Variants in COL9A1 observed in about 807,000 individuals in gnomAD.
COL9A1 encodes the protein collagen type IX alpha 1 chain, also known as collagen alpha-1(IX) chain.
COL9A1 carries 104 observed loss-of-function variants against 142.6 expected under a neutral mutation model. The ratio of observed to expected loss-of-function variants is 0.73; its 90% confidence interval spans 0.62 to 0.86. The LOEUF (loss-of-function observed/expected upper bound fraction) is 0.86. Ranked by LOEUF, COL9A1 falls within the 40% of genes least tolerant of loss-of-function variation. The pLI is 0.00. For synonymous variants in COL9A1, 466 were observed against 396.0 expected (o/e 1.18, Z -2.10); for missense variants, 1,210 against 1,176.6 (o/e 1.03, Z -0.42).
intron 32 of COL9A1, among the ~76,000 whole-genome samples, chr6:70,239,656 G>A (rs1770122994): frequency 6.6e-6 from 1 of 152,170 alleles, no homozygotes. Flanking sequence ...TAGACCTGAT[G>A]ACTTCATTTT....
intron 37 of COL9A1, among the ~76,000 whole-genome samples, chr6:70,219,429 G>A (rs565884793): frequency 9.2e-5 from 14 of 152,318 alleles, no homozygotes; most frequent in Non-Finnish European, 1.5e-4. Flanking sequence ...CTGCTTTGGC[G>A]TACCAGGGCA....
chr6:70,258,312 G>C (rs183114228), intron 20 of COL9A1, among the ~76,000 whole-genome samples: 27 of 152,304 alleles, frequency 1.8e-4, no homozygotes, highest in Admixed American at 6.5e-5. Context: ...ACAATCAAGA[G>C]TACTGGATAG....
intron 10 of COL9A1, chr6:70,279,670 A>AAAAAAAAAAAAAAAC (rs1554245283): frequency 1.7e-5 from 3 of 172,270 alleles, no homozygotes; most frequent in African/African-American, 7.8e-5. Flanking sequence ...AAAAAAAAAA[A>AAAAAAAAAAAAAAAC]CACATACACA....
Position 70,294,407 on chromosome 6 carries a change from A to G in COL9A1, c.456T>C (p.Ser152=), listed in dbSNP as rs757899425. ...CCAGTCCCTTGTATGAAAATACAAC[A>G]GATTGTGTTTGGCCATTAATCTTTA... is the stretch of plus-strand genomic sequence containing the variant. ...VGIKINGQTQ[S]VVFSYKGLDG... Residue 152 remains serine (S), a synonymous_variant, in exon 5 of 38, where the codon TCT becomes TCC. Transcript: ENST00000357250. 2.5e-6 allele frequency: 4 copies of G among 1,614,130 alleles called. No individual in the cohort carries two copies. The highest frequency in any genetic ancestry group is 3.4e-6 in the Non-Finnish European group (4 of 1,179,988).
chr6:70,241,858 T>A, intron 30 of COL9A1, 106 bp downstream of exon 30: 1 of 989,268 alleles, frequency 1.0e-6, no homozygotes, highest in East Asian at 2.6e-5. Flanking sequence ...CTGTTTATGA[T>A]AAATTCTAGA....
At chr6:70,231,856 C>T (rs1769569654) in intron 36 of COL9A1, among the ~76,000 whole-genome samples, 1 of 152,114 alleles carries the variant, frequency 6.6e-6, no homozygotes, top group African/African-American at 2.4e-5. Flanking sequence ...GGCACATACA[C>T]CCCAAGCTGA....
intron 21 of COL9A1, among the ~76,000 whole-genome samples, chr6:70,256,562 GA>G (rs1055912080): frequency 4.6e-5 from 7 of 151,818 alleles, no homozygotes; most frequent in African/African-American, 1.2e-4. Context: ...AATCTATGAA[GA>G]AAAAAATCAT....
At chr6:70,252,061 A>G in intron 28 of COL9A1, 59 bp downstream of exon 28, 2 of 1,536,068 alleles carry the variant, frequency 1.3e-6, no homozygotes, top group Non-Finnish European at 1.8e-6. Context: ...AATGAATGGA[A>G]GAACATCCAG....
At position 70,271,714 on chromosome 6, in the gene COL9A1, G is replaced by A. The variant is rs369198071; in HGVS notation, c.1090-6C>T. On this transcript the variant is annotated splice_region_variant and splice_polypyrimidine_tract_variant and intron_variant, in intron 13 of 37. Coordinates refer to ENST00000357250, the MANE Select transcript of COL9A1 (RefSeq NM_001851.6). ...CCTGCTGTCCCAGGAGGACCCTGAA[G>A]TCAACAAATCAAAGCAAATGGTCAT... 5.7e-5 allele frequency: 92 copies of A among 1,613,540 alleles called. No homozygotes were observed. In the African/African-American group the frequency reaches 1.2e-3, roughly 21 times the overall value.
chr6:70,234,481 A>C, intron 35 of COL9A1, 58 bp downstream of exon 35: 1 of 1,568,434 alleles, frequency 6.4e-7, no homozygotes, highest in South Asian at 1.1e-5. Context: ...TACAAGAATA[A>C]AATCTTAAGA....
intron 5 of COL9A1, among the ~76,000 whole-genome samples, chr6:70,285,921 G>T (rs941904189): frequency 6.6e-6 from 1 of 151,054 alleles, no homozygotes; most frequent in South Asian, 2.1e-4. Context: ...ATGAAGTCTC[G>T]CTCTGTTGCC....
chr6:70,226,044 T>C (rs374185119), intron 36 of COL9A1, 35 bp from the exon 37 acceptor site: 116 of 1,549,028 alleles, frequency 7.5e-5, no homozygotes, highest in Non-Finnish European at 1.0e-4. Context: ...TTTTTCTACA[T>C]ATCTATAAAA....
chr6:70,254,625 T>A, intron 24 of COL9A1, 96 bp from the exon 25 acceptor site: 1 of 1,166,508 alleles, frequency 8.6e-7, no homozygotes, highest in Non-Finnish European at 1.3e-6. Context: ...GTAAAAGGAT[T>A]GTCCCAACAG....
At chr6:70,293,487 G>A (rs1043410406) in intron 5 of COL9A1, among the ~76,000 whole-genome samples, 3 of 151,894 alleles carry the variant, frequency 2.0e-5, no homozygotes, top group East Asian at 1.9e-4. Context: ...TCTACAATAC[G>A]TCGTGCAAGA....
intron 29 of COL9A1, 113 bp downstream of exon 29, chr6:70,242,549 A>G: frequency 1.1e-6 from 1 of 947,126 alleles, no homozygotes; most frequent in Non-Finnish European, 1.7e-6. Context: ...TATTCACATA[A>G]CAAGAGAAAT....
rs1211129823 is a variant in COL9A1, at chr6:70,274,747, G to C, written c.1001C>G (p.Pro334Arg). The C allele has an allele frequency of 1.2e-6, 2 of 1,612,692 alleles. No individual in the cohort carries two copies. The highest frequency in any genetic ancestry group is 1.7e-6 in the Non-Finnish European group (2 of 1,178,848). The change falls in exon 11 of 38, where the codon CCT becomes CGT. Residue 334 changes from proline (P) to arginine (R), a missense_variant. Pro to Arg is a moderately radical substitution (Grantham distance 103, BLOSUM62 -2). Coordinates refer to ENST00000357250, the MANE Select transcript of COL9A1 (RefSeq NM_001851.6). ...ADGLTGPDGSPGSIGSKGQKG... is the reference protein window; with the variant it reads ...ADGLTGPDGSRGSIGSKGQKG... ...TTGTCCCTTTGACCCAATGGAGCCA[G>C]GGGATCCATCAGGTCCTGTTAATCC...
rs755509700 is a variant in COL9A1, at chr6:70,225,882, C to A, written c.2581+50G>T. The stretch of plus-strand genomic sequence containing the variant: ...AATTTTATTCAATTCAGGCTGTGTA[C>A]TTGCTACCAATTTCGCTACCTCCTC... On this transcript the variant is annotated intron_variant, in intron 37 of 37. Transcript: ENST00000357250. 10 of 1,369,438 alleles carry A rather than the reference C, an allele frequency of 7.3e-6. No homozygotes were observed. The African/African-American group carries it at 1.4e-4, about 20-fold the overall frequency. The allele number at this position is 1,369,438 out of a possible 1,614,324, so 84.8% of individuals were successfully genotyped here.
intron 19 of COL9A1, 25 bp downstream of exon 19, chr6:70,263,219 A>T: frequency 6.5e-7 from 1 of 1,543,824 alleles, no homozygotes; most frequent in Non-Finnish European, 8.8e-7. Context: ...TATCCTAGTT[A>T]AATATTTTTT....
At chr6:70,270,164 C>T in intron 15 of COL9A1, 150 bp downstream of exon 15, 1 of 726,972 alleles carries the variant, frequency 1.4e-6, no homozygotes, top group South Asian at 1.6e-5. Context: ...CTAAACAGAA[C>T]CATGCCCTTG....
Sources: gnomAD v4.1 joint callset for allele counts (sites outside exome capture counted in the v4.1 genomes callset) on GRCh38, gnomAD v4.1.1 for gene constraint, MANE v1.5 for transcripts, NCBI Gene and HGNC (gene_info 2026-07-23, HGNC 2026-07-21) for gene names.